ARMH3: variants seen among roughly 807,000 people sequenced by gnomAD.
The protein encoded by ARMH3 is armadillo like helical domain containing 3.
A neutral mutation model predicts 99.1 loss-of-function variants in ARMH3; 60 were observed. The ratio of observed to expected loss-of-function variants is 0.61; its 90% CI spans 0.49 to 0.75. The LOEUF (loss-of-function observed/expected upper bound fraction) is 0.75. Among genes scored for constraint, ARMH3 ranks in the 30% least tolerant of loss-of-function variants. The probability of loss-of-function intolerance (pLI) is 0.00; values close to 1 mark genes in which losing one functional copy is unlikely to be tolerated. For missense variants in ARMH3, 679 were observed against 843.1 expected (o/e 0.81, Z 2.41); for synonymous variants, 285 against 292.8 (o/e 0.97, Z 0.27).
At chr10:101,884,263 A>G (rs2067488365) in intron 24 of ARMH3, among the ~76,000 whole-genome samples, 1 of 152,198 alleles carries the variant, frequency 6.6e-6, no homozygotes, top group Non-Finnish European at 1.5e-5. Context: ...GCTGGTATGC[A>G]TTCTAAATCT....
chr10:101,882,159 G>A (rs1419294284), intron 24 of ARMH3, among the ~76,000 whole-genome samples: 1 of 152,212 alleles, frequency 6.6e-6, no homozygotes, highest in Non-Finnish European at 1.5e-5. Context: ...ATGCAAGAAT[G>A]GGCCAATAAT....
At chr10:102,037,903 T>C (rs768087317) in intron 2 of ARMH3, among the ~76,000 whole-genome samples, 4 of 152,060 alleles carry the variant, frequency 2.6e-5, no homozygotes, top group Non-Finnish European at 5.9e-5. Flanking sequence ...TAATGGATTC[T>C]ATCTATCACT....
chr10:101,983,866 A>T (rs1846339099), intron 19 of ARMH3, among the ~76,000 whole-genome samples: 1 of 152,112 alleles, frequency 6.6e-6, no homozygotes, highest in Admixed American at 6.6e-5. Context: ...AATTAATCAA[A>T]CCTAAGGAGG....
chr10:101,944,269 TATATAG>T (rs1844394453), intron 22 of ARMH3, among the ~76,000 whole-genome samples: 4 of 44,940 alleles, frequency 8.9e-5, no homozygotes, highest in South Asian at 1.2e-3. Context: ...TATATATATA[TATATAG>T]AGAGAGAGAG....
At chr10:101,993,458 T>C (rs1344026449) in intron 17 of ARMH3, 80 bp downstream of exon 17, 1 of 1,090,232 alleles carries the variant, frequency 9.2e-7, no homozygotes, top group African/African-American at 1.6e-5. Context: ...TTTGTTCTAG[T>C]AAGATCAATT....
At chr10:101,908,473 T>C (rs980867427) in intron 23 of ARMH3, among the ~76,000 whole-genome samples, 1 of 152,176 alleles carries the variant, frequency 6.6e-6, no homozygotes, top group African/African-American at 2.4e-5. Context: ...TTTAGCAGCA[T>C]AGCTGGCCTC....
chr10:101,976,406 TCTCTCTCACA>T (rs897985442), intron 19 of ARMH3, among the ~76,000 whole-genome samples: 4 of 129,018 alleles, frequency 3.1e-5, no homozygotes, highest in African/African-American at 1.1e-4. Flanking sequence ...TCTCTCTCTC[TCTCTCTCACA>T]CACACACACA....
rs540849400 is a variant in ARMH3, at chr10:101,846,083, C to A, written c.*1445G>T. The A allele has an allele frequency of 6.6e-6, 1 of 152,214 alleles. No individual in the cohort carries two copies. Among genetic ancestry groups the A allele is most frequent in the East Asian group, 1.9e-4 (1 of 5,206 alleles). The allele number at this position is 152,214 out of a possible 1,614,324, so 9.4% of individuals were successfully genotyped here. ...CCATGGAGGCTATCCAAGGGAGGAACCACAAGCCAACTCCCCATAAGTCAG... is the reference window on the plus strand; with the variant it reads ...CCATGGAGGCTATCCAAGGGAGGAAACACAAGCCAACTCCCCATAAGTCAG... On this transcript the variant is annotated 3_prime_UTR_variant, in exon 26 of 26. Transcript: ENST00000370033.
At chr10:101,986,339 A>G (rs1035353199) in intron 19 of ARMH3, among the ~76,000 whole-genome samples, 7 of 152,056 alleles carry the variant, frequency 4.6e-5, no homozygotes, top group South Asian at 2.1e-4. Context: ...TCACTCCCCA[A>G]TCCTGTGGTG....
intron 23 of ARMH3, among the ~76,000 whole-genome samples, chr10:101,902,525 T>A (rs2068005658): frequency 6.6e-6 from 1 of 152,088 alleles, no homozygotes; most frequent in Non-Finnish European, 1.5e-5. Flanking sequence ...CAGAAAATGA[T>A]GTTGGAGGTC....
At chr10:101,963,946 GGCTCACTGCAA>G (rs1029681039) in intron 20 of ARMH3, among the ~76,000 whole-genome samples, 1 of 144,700 alleles carries the variant, frequency 6.9e-6, no homozygotes, top group Non-Finnish European at 1.5e-5. Flanking sequence ...GTGTGATCTC[GGCTCACTGCAA>G]GCTCCGCCTC....
intron 23 of ARMH3, among the ~76,000 whole-genome samples, chr10:101,904,487 G>A (rs1039973224): frequency 2.6e-5 from 4 of 151,920 alleles, no homozygotes; most frequent in African/African-American, 9.7e-5. Flanking sequence ...ACTTTGACTT[G>A]TTACTTAAAA....
intron 8 of ARMH3, among the ~76,000 whole-genome samples, chr10:102,015,641 C>T (rs1023837077): frequency 2.0e-5 from 3 of 152,292 alleles, no homozygotes; most frequent in East Asian, 1.9e-4. Flanking sequence ...CCGCCTGTCT[C>T]GGCCTCCCAA....
At chr10:101,859,112 G>T (rs1357838511) in intron 24 of ARMH3, among the ~76,000 whole-genome samples, 1 of 152,184 alleles carries the variant, frequency 6.6e-6, no homozygotes, top group Non-Finnish European at 1.5e-5. Flanking sequence ...CACACCCACA[G>T]ATGTAAGGAC....
At chr10:101,910,669 T>G (rs761741738) in intron 23 of ARMH3, among the ~76,000 whole-genome samples, 56 of 151,066 alleles carry the variant, frequency 3.7e-4, no homozygotes, top group Non-Finnish European at 7.4e-4. Flanking sequence ...GAAGCAGAGG[T>G]TGCAGTGAGC....
chr10:102,013,774 C>T (rs2136120822), intron 9 of ARMH3, among the ~76,000 whole-genome samples, 194 bp downstream of exon 9: 1 of 152,346 alleles, frequency 6.6e-6, no homozygotes, highest in East Asian at 1.9e-4. Context: ...CTCAAATCTT[C>T]CTTCCATGAT....
intron 24 of ARMH3, among the ~76,000 whole-genome samples, chr10:101,887,619 G>C (rs1291587926): frequency 1.0e-5 from 1 of 97,474 alleles, no homozygotes; most frequent in African/African-American, 4.0e-5. Context: ...TTTTTTTGTA[G>C]AGACAGCTTC....
chr10:101,928,942 G>A (rs894320617), intron 23 of ARMH3, among the ~76,000 whole-genome samples: 1 of 152,106 alleles, frequency 6.6e-6, no homozygotes, highest in Non-Finnish European at 1.5e-5. Context: ...TGTTGGCCAG[G>A]CTGGTCTCAA....
chr10:101,922,973 A>G (rs1197874143), intron 23 of ARMH3, among the ~76,000 whole-genome samples: 1 of 152,192 alleles, frequency 6.6e-6, no homozygotes, highest in Non-Finnish European at 1.5e-5. Flanking sequence ...GTGAAAATGC[A>G]TTAGTACACT....
Sources: allele counts gnomAD v4.1 joint callset (sites outside exome capture counted in the v4.1 genomes callset), GRCh38; gene constraint gnomAD v4.1.1; transcripts MANE v1.5; gene names NCBI Gene and HGNC (gene_info 2026-07-23, HGNC 2026-07-21).